PLCB3: variants seen among roughly 807,000 people sequenced by gnomAD.
PLCB3 encodes phospholipase C beta 3.
PLCB3 carries 54 observed loss-of-function variants against 152.1 expected under a neutral mutation model. The ratio of observed to expected loss-of-function variants is 0.36; its 90% CI spans 0.29 to 0.45. PLCB3 has a LOEUF of 0.45. Among genes scored for constraint, PLCB3 ranks in the 20% least tolerant of loss-of-function variants. The probability of loss-of-function intolerance (pLI) is 1.00; values close to 1 mark genes in which losing one functional copy is unlikely to be tolerated. For missense variants in PLCB3, 1,248 were observed against 1,687.5 expected (o/e 0.74, Z 4.56); for synonymous variants, 717 against 698.7 (o/e 1.03, Z -0.41).
chr11:64,260,009 T>G lies in PLCB3; in HGVS notation c.1526-20T>G, dbSNP rs763734789. 5 of 1,604,088 alleles carry G rather than the reference T, an allele frequency of 3.1e-6. No individual in the cohort carries two copies. Among genetic ancestry groups the G allele is most frequent in the Non-Finnish European group, 4.3e-6 (5 of 1,174,968 alleles). On this transcript the variant is annotated intron_variant, in intron 13 of 30. Transcript: ENST00000279230. Reference sequence around the variant, plus strand: ...GCTGTGTGGTCCTGACCCCTCACCCTGTGGCCCTGTCCTCTGCAGGGTCTC... The same window carrying G: ...GCTGTGTGGTCCTGACCCCTCACCCGGTGGCCCTGTCCTCTGCAGGGTCTC...
Position 64,267,384 on chromosome 11 carries a change from A to C in PLCB3, c.3533A>C (p.Glu1178Ala), listed in dbSNP as rs1296819765. ...GCCCAGCTGGCCCAGGAGTGTCAGGAGCAGCGGGCGAGGCTCCCCCAGGAG... is the reference window on the plus strand; with the variant it reads ...GCCCAGCTGGCCCAGGAGTGTCAGGCGCAGCGGGCGAGGCTCCCCCAGGAG... Reference protein sequence around the residue: ...LLAQLAQECQEQRARLPQEIR... With the variant: ...LLAQLAQECQAQRARLPQEIR... Residue 1178 changes from glutamate to alanine, a missense_variant, in exon 31 of 31, where the codon GAG becomes GCG. Transcript: ENST00000279230. This position sits in a 1 kb window ranked among gnomAD's most constrained non-coding sequence, Gnocchi z 5.2. 1 of 1,543,866 alleles carries C rather than the reference A, an allele frequency of 6.5e-7. No homozygotes were observed. The highest frequency in any genetic ancestry group is 8.7e-7 in the Non-Finnish European group (1 of 1,142,944).
At chr11:64,254,669 G>A in intron 2 of PLCB3, 79 bp from the exon 3 acceptor site, 1 of 1,515,360 alleles carries the variant, frequency 6.6e-7, no homozygotes, top group South Asian at 1.1e-5. Context: ...CCATTCCCTG[G>A]CCTGGGTAGA....
intron 17 of PLCB3, 67 bp downstream of exon 17, chr11:64,262,143 G>T: frequency 6.2e-7 from 1 of 1,601,936 alleles, no homozygotes; most frequent in Non-Finnish European, 8.5e-7. Flanking sequence ...CCACGATCCT[G>T]CTGGTCTTGC....
In PLCB3 at chr11:64,255,644, T is replaced by TGGGGGGGGGGGCCCGGGGGGGGGGG; in HGVS notation, c.597+32_597+33insGGGGGGGCCCGGGGGGGGGGGGGGG. On this transcript the variant is annotated intron_variant, in intron 7 of 30. Transcript: ENST00000279230. This position sits in a 1 kb window ranked among gnomAD's most constrained non-coding sequence, Gnocchi z 6.8. The stretch of plus-strand genomic sequence containing the variant: ...GTGTGGGGTGGGGACAGGGGCGGGG[T>TGGGGGGGGGGGCCCGGGGGGGGGGG]GGGGTGTCACGGTGGGCACCCACCC... The TGGGGGGGGGGGCCCGGGGGGGGGGG allele has an allele frequency of 1.1e-6, 1 of 890,198 alleles. No homozygotes were observed. The highest frequency in any genetic ancestry group is 1.7e-6 in the Non-Finnish European group (1 of 582,128). 55.1% of individuals were successfully genotyped at this position (890,198 alleles called of 1,614,324 possible).
Position 64,266,403 on chromosome 11 carries a change from G to T in PLCB3, c.3355G>T (p.Ala1119Ser). 9 of 1,604,688 alleles carry T rather than the reference G, an allele frequency of 5.6e-6. No homozygotes were observed. The highest frequency in any genetic ancestry group is 7.7e-6 in the Non-Finnish European group (9 of 1,171,720). Residue 1119 changes from alanine (A) to serine (S), a missense_variant and splice_region_variant, in exon 28 of 31, where the codon GCG (alanine) becomes TCG (serine). This residue lies in a region of PLCB3 where 477 missense variants were observed against 489.6 expected (regional missense o/e 0.97). Transcript: ENST00000279230. This position sits in a 1 kb window ranked among gnomAD's most constrained non-coding sequence, Gnocchi z 4.9. ...GATGAGGGACAAGCATAAGAAGGAG[G>T]CGTAAGGGCACCGGGACCGGGGGCC... ...AKMRDKHKKE[A>S]ELTEINRRHI...
intron 1 of PLCB3, among the ~76,000 whole-genome samples, chr11:64,253,779 C>T (rs2031361903): frequency 1.3e-5 from 2 of 152,196 alleles, no homozygotes; most frequent in South Asian, 2.1e-4. Context: ...AGCTCACTGC[C>T]CAGTCCTGAG....
chr11:64,265,878 C>T lies in PLCB3; in HGVS notation c.3036-8C>T, dbSNP rs1351563855. ...CCCAGGCATCACCCAGAGGGGTTCT[C>T]CTCGCAGAGGTGGGGCCGCTGATGT... On this transcript the variant is annotated splice_polypyrimidine_tract_variant and splice_region_variant and intron_variant, in intron 25 of 30. Transcript: ENST00000279230. 2 of 1,611,576 alleles carry T rather than the reference C, an allele frequency of 1.2e-6. No individual in the cohort carries two copies. The highest frequency in any genetic ancestry group is 1.1e-5 in the South Asian group (1 of 90,838).
At chr11:64,259,310 GTGACACTT>G (rs1751182653) in intron 13 of PLCB3, 66 bp downstream of exon 13, 1 of 1,282,554 alleles carries the variant, frequency 7.8e-7, no homozygotes, top group African/African-American at 1.5e-5. Flanking sequence ...TCCAGGCGCC[GTGACACTT>G]CATCCCAGAC....
chr11:64,267,554 T>G lies in PLCB3; in HGVS notation c.3703T>G (p.Ter1235GlyextTer3). The change falls in exon 31 of 31, where the codon TGA becomes GGA. Residue 1235 changes from the stop codon to glycine (G), a stop_lost. Transcript: ENST00000279230. This position sits in a 1 kb window ranked among gnomAD's most constrained non-coding sequence, Gnocchi z 5.2. The stretch of plus-strand genomic sequence containing the variant: ...GAGCCAGGAGGAGAACACGCAGCTC[T>G]GAACTGGCTGAGCGAGGTGGCCACA... ...SESQEENTQL* is the reference protein window; with the variant it reads ...SESQEENTQLG 1 of 1,559,928 alleles carries G rather than the reference T, an allele frequency of 6.4e-7. No individual in the cohort carries two copies. The highest frequency in any genetic ancestry group is 8.6e-7 in the Non-Finnish European group (1 of 1,157,930).
chr11:64,265,082 C>T lies in PLCB3; in HGVS notation c.2784C>T (p.Ala928=), dbSNP rs2032045436. Residue 928 remains alanine, a synonymous_variant, in exon 23 of 31, where the codon GCC becomes GCT. Transcript: ENST00000279230. ...RRPPGPTTSP[A]STSLSSPGQR... The stretch of plus-strand genomic sequence containing the variant: ...CCCCTGGCCCCACCACCTCCCCTGC[C>T]AGCACCTCCCTCAGCAGCCCAGGTA... 1 of 1,549,710 alleles carries T rather than the reference C, an allele frequency of 6.5e-7. No individual in the cohort carries two copies. The highest frequency in any genetic ancestry group is 8.7e-7 in the Non-Finnish European group (1 of 1,146,206).
intron 24 of PLCB3, 28 bp from the exon 25 acceptor site, chr11:64,265,282 C>T (rs1201000436): frequency 6.5e-7 from 1 of 1,544,154 alleles, no homozygotes. Flanking sequence ...CCCCCACCCC[C>T]CGCCCACCTT....
chr11:64,258,429 C>A lies in PLCB3; in HGVS notation c.1013-44C>A. ...CAGGTGGGGCCGGGGTGGTGAGGAGCTGGGCTGGTGGGCGGCCTCGGTGAC... is the reference window on the plus strand; with the variant it reads ...CAGGTGGGGCCGGGGTGGTGAGGAGATGGGCTGGTGGGCGGCCTCGGTGAC... On this transcript the variant is annotated intron_variant, in intron 10 of 30. Coordinates refer to ENST00000279230, the MANE Select transcript of PLCB3 (RefSeq NM_000932.5). This position sits in a 1 kb window ranked among gnomAD's most constrained non-coding sequence, Gnocchi z 7.2. 1 of 1,598,268 alleles carries A rather than the reference C, an allele frequency of 6.3e-7. No individual in the cohort carries two copies. Among genetic ancestry groups the A allele is most frequent in the Non-Finnish European group, 8.5e-7 (1 of 1,173,450 alleles).
At chr11:64,256,824 A>G (rs1378986493) in intron 10 of PLCB3, 60 bp downstream of exon 10, 41 of 1,555,196 alleles carry the variant, frequency 2.6e-5, no homozygotes, top group Non-Finnish European at 3.4e-5. Context: ...GCACAGCCCC[A>G]CTCCTCCTGG....
rs771872374 is a variant in PLCB3, at chr11:64,257,016, T to TTTTTTTTTTTC, written c.1012+257_1012+258insTTTTTCTTTTT. Among the ~76,000 whole-genome samples, 7 of 120,574 alleles carry TTTTTTTTTTTC rather than the reference T, an allele frequency of 5.8e-5. No individual in the cohort carries two copies. In the South Asian group the frequency reaches 8.6e-4, roughly 15 times the overall value. The allele number at this position is 120,574 out of a possible 152,430, so 79.1% of individuals were successfully genotyped here. A position where few individuals can be genotyped will look rare whatever the true frequency, so the allele number is the denominator to read the frequency against. On this transcript the variant is annotated intron_variant, in intron 10 of 30. Transcript: ENST00000279230. ...AGGGTCCTTTTTTTTTTTTTTTTTT[T>TTTTTTTTTTTC]TTTTTGAGACAGAGTTTCGCTCTTG...
Position 64,267,819 on chromosome 11 carries a change from C to T in PLCB3, c.*263C>T, listed in dbSNP as rs2032207734. 2.3e-6 allele frequency: 1 copy of T among 435,908 alleles called. No homozygotes were observed. 27.0% of individuals were successfully genotyped at this position (435,908 alleles called of 1,614,324 possible). On this transcript the variant is annotated 3_prime_UTR_variant, in exon 31 of 31. Coordinates refer to ENST00000279230, the MANE Select transcript of PLCB3 (RefSeq NM_000932.5). The surrounding 1 kb of genome is among the most constrained non-coding windows in gnomAD (Gnocchi z 5.2). Reference sequence around the variant, plus strand: ...GAGCTAGCAGCGTCTCCTCCCTTCCCCGGGAGAGCTGGCTGGAGACTTGGA... The same window carrying T: ...GAGCTAGCAGCGTCTCCTCCCTTCCTCGGGAGAGCTGGCTGGAGACTTGGA...
intron 14 of PLCB3, among the ~76,000 whole-genome samples, chr11:64,261,022 G>A (rs1481334008): frequency 2.6e-5 from 4 of 152,024 alleles, no homozygotes; most frequent in African/African-American, 9.7e-5. Flanking sequence ...CACCTATATG[G>A]GCCAGGCGAG....
chr11:64,257,263 CA>C (rs1474491513), intron 10 of PLCB3, among the ~76,000 whole-genome samples: 1 of 152,174 alleles, frequency 6.6e-6, no homozygotes, highest in Non-Finnish European at 1.5e-5. Flanking sequence ...CTCGCCCTCC[CA>C]AAGTGCTGGG....
In PLCB3 at chr11:64,255,343, G is replaced by C. The variant is rs555466373; in HGVS notation, c.467+30G>C. On this transcript the variant is annotated intron_variant, in intron 5 of 30. Transcript: ENST00000279230. This position sits in a 1 kb window ranked among gnomAD's most constrained non-coding sequence, Gnocchi z 6.8. ...GCCCCAGGCCACCCGAGGGGGAGCC[G>C]GGGGGTTCACGTGGCCGTTTTCAGG... The C allele has an allele frequency of 6.2e-7, 1 of 1,611,072 alleles. No homozygotes were observed. Among genetic ancestry groups the C allele is most frequent in the Non-Finnish European group, 8.5e-7 (1 of 1,177,384 alleles).
At chr11:64,259,299 C>A in intron 13 of PLCB3, 55 bp downstream of exon 13, 1 of 1,346,630 alleles carries the variant, frequency 7.4e-7, no homozygotes, top group Non-Finnish European at 9.9e-7. Flanking sequence ...TGGCCTCATG[C>A]TCCAGGCGCC....
Sources: gnomAD v4.1 joint callset for allele counts (sites outside exome capture counted in the v4.1 genomes callset) on GRCh38, gnomAD v4.1.1 for gene constraint, gnomAD v4.1.1 regional missense constraint, Gnocchi (gnomAD v3.1) non-coding constraint, MANE v1.5 for transcripts, NCBI Gene and HGNC (gene_info 2026-07-23, HGNC 2026-07-21) for gene names.